The following RYR2 variants were observed in gnomAD, a reference collection of about 807,000 sequenced individuals.
The protein encoded by RYR2 is ryanodine receptor 2.
In RYR2, 227 loss-of-function variants were observed where a neutral mutation model predicts 601.1. That is an observed-to-expected ratio of 0.38 (90% CI 0.34 to 0.42). The LOEUF (loss-of-function observed/expected upper bound fraction) is 0.42. Ranked by LOEUF, RYR2 falls within the 10% of genes least tolerant of loss-of-function variation. The probability of loss-of-function intolerance (pLI) is 1.00; values close to 1 mark genes in which losing one functional copy is unlikely to be tolerated. For missense variants in RYR2, 4,646 were observed against 6,156.5 expected, an observed-to-expected ratio of 0.75 and a Z score of 8.21; for synonymous variants, 2,223 against 2,175.1, an observed-to-expected ratio of 1.02 and a Z score of -0.61.
intron 3 of RYR2, among the ~76,000 whole-genome samples, chr1:237,353,583 A>G (rs972769171): frequency 6.6e-5 from 10 of 151,792 alleles, no homozygotes; most frequent in Non-Finnish European, 1.0e-4. Context: ...ATATAGTGAT[A>G]TAATTTAAAA....
chr1:237,745,622 G>A (rs567264106), intron 80 of RYR2, among the ~76,000 whole-genome samples: 176 of 152,280 alleles, frequency 1.2e-3, no homozygotes, highest in African/African-American at 4.1e-3. Flanking sequence ...TCCGAAAGAC[G>A]ACAAGTGATG....
chr1:237,798,644 T>C (rs1171304142), intron 97 of RYR2, among the ~76,000 whole-genome samples: 2 of 152,188 alleles, frequency 1.3e-5, no homozygotes, highest in Non-Finnish European at 2.9e-5. Flanking sequence ...AAAGGCTTAG[T>C]GCGTCAGAAA....
chr1:237,121,777 C>T (rs1670807846), intron 1 of RYR2, among the ~76,000 whole-genome samples: 1 of 152,160 alleles, frequency 6.6e-6, no homozygotes, highest in South Asian at 2.1e-4. Flanking sequence ...CGGGTGACCT[C>T]GTGGGTTTGT....
At chr1:237,346,781 G>A (rs1413406127) in intron 3 of RYR2, among the ~76,000 whole-genome samples, 2 of 152,088 alleles carry the variant, frequency 1.3e-5, no homozygotes, top group African/African-American at 4.8e-5. Flanking sequence ...TTTCTTTCTC[G>A]AACTGATGGA....
At chr1:237,320,107 AG>A (rs1460834010) in intron 2 of RYR2, among the ~76,000 whole-genome samples, 1 of 152,156 alleles carries the variant, frequency 6.6e-6, no homozygotes, top group Non-Finnish European at 1.5e-5. Context: ...TAAGCATAAA[AG>A]TTTCTTATAT....
intron 1 of RYR2, among the ~76,000 whole-genome samples, chr1:237,217,801 T>C (rs1445790252): frequency 6.6e-6 from 1 of 152,198 alleles, no homozygotes; most frequent in Non-Finnish European, 1.5e-5. Context: ...ACCCTGAGTA[T>C]GCCCCAAGAA....
chr1:237,606,548 A>G (rs1257058315), intron 35 of RYR2, among the ~76,000 whole-genome samples: 1 of 152,238 alleles, frequency 6.6e-6, no homozygotes, highest in Non-Finnish European at 1.5e-5. Flanking sequence ...CAATGGCAAC[A>G]AAAACTAAAA....
intron 24 of RYR2, among the ~76,000 whole-genome samples, chr1:237,519,032 GC>G (rs1666834437): frequency 6.6e-6 from 1 of 152,084 alleles, no homozygotes; most frequent in South Asian, 2.1e-4. Flanking sequence ...GTGATGTTCA[GC>G]ATTTTCTCAT....
At chr1:237,298,660 A>C (rs2058934) in intron 2 of RYR2, among the ~76,000 whole-genome samples, 62,374 of 151,840 alleles carry the variant, frequency 0.41, 13,246 homozygotes, top group African/African-American at 0.51. Flanking sequence ...TTTTTTATAT[A>C]AAATAATTTT....
intron 1 of RYR2, among the ~76,000 whole-genome samples, chr1:237,159,474 T>G (rs1675771570): frequency 6.6e-6 from 1 of 152,090 alleles, no homozygotes; most frequent in Non-Finnish European, 1.5e-5. Flanking sequence ...ATTACATAGA[T>G]GAGAAATACA....
chr1:237,828,255 C>T (rs950083745), intron 101 of RYR2, 126 bp from the exon 102 acceptor site: 7 of 607,964 alleles, frequency 1.2e-5, no homozygotes, highest in Non-Finnish European at 1.8e-5. Context: ...TATGTAGTCA[C>T]GTTTACCATG....
chr1:237,813,853 A>G (rs914793442), intron 100 of RYR2, among the ~76,000 whole-genome samples: 11 of 152,198 alleles, frequency 7.2e-5, no homozygotes, highest in South Asian at 4.1e-4. Context: ...TAAACTTACT[A>G]TCTTGTCTTT....
intron 2 of RYR2, among the ~76,000 whole-genome samples, chr1:237,275,454 G>A (rs995499132): frequency 6.6e-6 from 1 of 151,756 alleles, no homozygotes; most frequent in Non-Finnish European, 1.5e-5. Context: ...ATTTGACAAG[G>A]CATAATTTAG....
At chr1:237,463,649 T>G (rs1046761984) in intron 16 of RYR2, among the ~76,000 whole-genome samples, 1 of 152,142 alleles carries the variant, frequency 6.6e-6, no homozygotes, top group Non-Finnish European at 1.5e-5. Flanking sequence ...GAGACCATCC[T>G]AGGCAACATA....
chr1:237,706,964 C>T lies in RYR2; in HGVS notation c.9596C>T (p.Thr3199Ile). Residue 3199 changes from threonine (T) to isoleucine (I), a missense_variant, in exon 68 of 105, where the codon ACT becomes ATT. Thr to Ile is a moderately conservative substitution (Grantham distance 89). Around this residue, in one of 17 missense-constraint regions of RYR2, gnomAD observed 1,497 missense variants for 1,842.6 expected, o/e 0.81. Transcript: ENST00000366574. Reference protein sequence around the residue: ...SRERAALSLPTNVEDVCPNIP... With the variant: ...SRERAALSLPINVEDVCPNIP... ...ACTTCTCCAGCTCTCAGTTTGCCAA[C>T]TAATGTGGAAGATGTTTGTCCAAAC... The T allele has an allele frequency of 1.2e-6, 2 of 1,612,030 alleles. No individual in the cohort carries two copies. The highest frequency in any genetic ancestry group is 2.2e-5 in the South Asian group (2 of 91,026).
intron 12 of RYR2, among the ~76,000 whole-genome samples, chr1:237,426,875 CTT>C (rs1344138207): frequency 6.6e-6 from 1 of 151,954 alleles, no homozygotes; most frequent in Non-Finnish European, 1.5e-5. Flanking sequence ...GAGACCAAGA[CTT>C]TATAGAAAAA....
rs1186050831 is a variant in RYR2, at chr1:237,042,302, C to A, written c.-220C>A. 6 of 244,868 alleles carry A rather than the reference C, an allele frequency of 2.5e-5. No individual in the cohort carries two copies. Among genetic ancestry groups the A allele is most frequent in the Non-Finnish European group, 3.8e-5 (5 of 131,874 alleles). The allele number at this position is 244,868 out of a possible 1,614,324, so 15.2% of individuals were successfully genotyped here. A position where few individuals can be genotyped will look rare whatever the true frequency, so the allele number is the denominator to read the frequency against. On this transcript the variant is annotated 5_prime_UTR_variant, in exon 1 of 105. Coordinates refer to ENST00000366574, the MANE Select transcript of RYR2 (RefSeq NM_001035.3). The stretch of plus-strand genomic sequence containing the variant: ...CGGGCCGCCCTCCTCCCGCACAGTG[C>A]GGAGCAGGGAGGCCCCGCGCCTCGA...
At chr1:237,710,452 T>G (rs1688735412) in intron 70 of RYR2, among the ~76,000 whole-genome samples, 1 of 152,158 alleles carries the variant, frequency 6.6e-6, no homozygotes. Flanking sequence ...CAAATATTAT[T>G]TATTGCCTAC....
intron 63 of RYR2, among the ~76,000 whole-genome samples, chr1:237,697,354 T>A (rs1030800126): frequency 4.9e-5 from 7 of 142,720 alleles, no homozygotes; most frequent in Non-Finnish European, 7.6e-5. Context: ...TATATATATA[T>A]AATATATATT....
Sources: allele counts gnomAD v4.1 joint callset (sites outside exome capture counted in the v4.1 genomes callset), GRCh38; gene constraint gnomAD v4.1.1; regional missense constraint gnomAD v4.1.1; transcripts MANE v1.5; gene names NCBI Gene and HGNC (gene_info 2026-07-23, HGNC 2026-07-21).